HPSE2: variants seen among roughly 807,000 people sequenced by gnomAD.
HPSE2 encodes the protein heparanase 2 (inactive).
HPSE2 carries 38 observed loss-of-function variants against 60.5 expected under a neutral mutation model. That is an observed-to-expected ratio of 0.63 (90% CI 0.48 to 0.82). The LOEUF is 0.82. HPSE2 is among the 40% of genes least tolerant of loss of function. HPSE2 has a pLI of 0.00. For missense variants in HPSE2, 713 were observed against 740.4 expected, an observed-to-expected ratio of 0.96 and a Z score of 0.43; for synonymous variants, 295 against 293.2, an observed-to-expected ratio of 1.01 and a Z score of -0.06.
At chr10:99,266,652 C>T in the HPSE2 span, among the ~76,000 whole-genome samples, 1 of 152,186 alleles carries the variant, frequency 6.6e-6, no homozygotes, top group African/African-American at 2.4e-5. Flanking sequence ...ACAGCTGATG[C>T]TCTCTTGAAA....
chr10:98,766,062 T>A (rs571402712), intron 3 of HPSE2, among the ~76,000 whole-genome samples: 9 of 151,976 alleles, frequency 5.9e-5, no homozygotes, highest in Non-Finnish European at 1.0e-4. Context: ...CTGAGAGACA[T>A]ACAAATTACC....
At chr10:99,057,409 G>A (rs1193391011) in intron 3 of HPSE2, among the ~76,000 whole-genome samples, 1 of 152,110 alleles carries the variant, frequency 6.6e-6, no homozygotes, top group African/African-American at 2.4e-5. Flanking sequence ...CTACAGATTA[G>A]GAAAGGTATA....
At chr10:99,181,442 T>C (rs1847774785) in intron 2 of HPSE2, among the ~76,000 whole-genome samples, 1 of 149,740 alleles carries the variant, frequency 6.7e-6, no homozygotes, top group Non-Finnish European at 1.5e-5. Context: ...CATGTATGTT[T>C]ATGGCACTGT....
At chr10:98,994,339 G>A (rs1346974088) in intron 3 of HPSE2, among the ~76,000 whole-genome samples, 1 of 152,120 alleles carries the variant, frequency 6.6e-6, no homozygotes, top group Non-Finnish European at 1.5e-5. Flanking sequence ...GGAGAGCCTA[G>A]CTTCCATGTC....
intron 3 of HPSE2, among the ~76,000 whole-genome samples, chr10:99,055,271 A>C (rs2135509931): frequency 6.6e-6 from 1 of 152,282 alleles, no homozygotes; most frequent in South Asian, 2.1e-4. Context: ...AAGTTAAGAG[A>C]TTAACAGTGG....
chr10:99,084,405 C>A (rs140208809), intron 3 of HPSE2, among the ~76,000 whole-genome samples: 1 of 152,154 alleles, frequency 6.6e-6, no homozygotes, highest in Non-Finnish European at 1.5e-5. Context: ...TGTGTTGGCC[C>A]CTTTCACTGA....
intron 2 of HPSE2, among the ~76,000 whole-genome samples, chr10:99,207,848 T>C (rs767284200): frequency 6.6e-5 from 10 of 152,036 alleles, no homozygotes; most frequent in Middle Eastern, 3.4e-3. Context: ...AGATCCCCAG[T>C]AGATGCCTGA....
At chr10:99,151,477 C>G (rs536088740) in intron 2 of HPSE2, among the ~76,000 whole-genome samples, 1 of 152,074 alleles carries the variant, frequency 6.6e-6, no homozygotes, top group African/African-American at 2.4e-5. Flanking sequence ...AATCATTAAT[C>G]CACAGATTCA....
At chr10:98,968,718 T>G (rs928897793) in intron 3 of HPSE2, among the ~76,000 whole-genome samples, 3 of 152,150 alleles carry the variant, frequency 2.0e-5, no homozygotes, top group Admixed American at 6.5e-5. Context: ...AGCTGGAGGT[T>G]GTTGTTCTAA....
intron 5 of HPSE2, among the ~76,000 whole-genome samples, chr10:98,712,393 GC>G (rs1370553731): frequency 1.3e-5 from 2 of 151,980 alleles, no homozygotes; most frequent in Non-Finnish European, 2.9e-5. Flanking sequence ...AGTCAAAAGT[GC>G]CTTGGGCCCA....
chr10:98,532,000 A>G (rs1248752217), intron 9 of HPSE2, among the ~76,000 whole-genome samples: 3 of 152,194 alleles, frequency 2.0e-5, no homozygotes, highest in Admixed American at 6.5e-5. Context: ...CCAAGCAAAT[A>G]TATTTTAAGG....
chr10:98,825,611 G>T (rs1479597032), intron 3 of HPSE2, among the ~76,000 whole-genome samples: 1 of 150,322 alleles, frequency 6.7e-6, no homozygotes, highest in Non-Finnish European at 1.5e-5. Context: ...CCCCGGGGTT[G>T]GGGGGGCGGG....
the HPSE2 span, among the ~76,000 whole-genome samples, chr10:99,279,310 C>T: frequency 4.6e-5 from 7 of 152,054 alleles, no homozygotes; most frequent in Non-Finnish European, 1.0e-4. Flanking sequence ...TACAGAAAGG[C>T]AGGATGATGC....
At chr10:98,663,776 G>A (rs970429325) in intron 6 of HPSE2, among the ~76,000 whole-genome samples, 4 of 152,102 alleles carry the variant, frequency 2.6e-5, no homozygotes, top group Admixed American at 6.6e-5. Context: ...TCAAGACCAC[G>A]GGGAGCCCCA....
chr10:99,215,935 A>G (rs1220093976), intron 2 of HPSE2, among the ~76,000 whole-genome samples: 1 of 152,234 alleles, frequency 6.6e-6, no homozygotes, highest in Non-Finnish European at 1.5e-5. Context: ...TTTTTAAAGG[A>G]AGATTAAATA....
At chr10:98,705,440 T>C (rs1296320772) in intron 5 of HPSE2, among the ~76,000 whole-genome samples, 1 of 152,198 alleles carries the variant, frequency 6.6e-6, no homozygotes, top group East Asian at 1.9e-4. Context: ...AATTCTACTA[T>C]GAAGACATAT....
chr10:98,469,321 T>C (rs371930430), intron 11 of HPSE2, among the ~76,000 whole-genome samples: 27 of 152,126 alleles, frequency 1.8e-4, no homozygotes, highest in African/African-American at 6.3e-4. Context: ...CTCCATGTCA[T>C]AGGCATATCA....
intron 4 of HPSE2, among the ~76,000 whole-genome samples, chr10:98,727,948 T>C (rs977472365): frequency 6.6e-6 from 1 of 152,118 alleles, no homozygotes; most frequent in African/African-American, 2.4e-5. Context: ...GAATTCCATA[T>C]GCAGCAAACT....
rs547350931 is a variant in HPSE2, at chr10:99,069,332, C to T, written c.610+74906G>A. 3.1e-3 allele frequency among the ~76,000 whole-genome samples: 478 copies of T among 152,054 alleles called. 5 individuals carry two copies. The highest frequency in any genetic ancestry group is 0.028 in the South Asian group (134 of 4,804). ...ATCATGGGGAAATTGAGAATAGCTA[C>T]CTTCAAAGTCCATAAGGTAACATAG... is the stretch of plus-strand genomic sequence containing the variant. On this transcript the variant is annotated intron_variant, in intron 3 of 11. Coordinates refer to ENST00000370552, the MANE Select transcript of HPSE2 (RefSeq NM_021828.5).
Sources: allele counts gnomAD v4.1 joint callset (sites outside exome capture counted in the v4.1 genomes callset), GRCh38; gene constraint gnomAD v4.1.1; transcripts MANE v1.5; gene names NCBI Gene and HGNC (gene_info 2026-07-23, HGNC 2026-07-21).